ELMO1: variants seen among roughly 807,000 people sequenced by gnomAD.
ELMO1 encodes engulfment and cell motility protein 1.
Under a neutral mutation model 98.9 loss-of-function variants are expected in ELMO1, and 26 were observed. The ratio of observed to expected loss-of-function variants is 0.26; its 90% CI spans 0.19 to 0.36. ELMO1 has a LOEUF of 0.36. Ranked by LOEUF, ELMO1 falls within the 10% of genes least tolerant of loss-of-function variation. The pLI, the probability that ELMO1 is intolerant of heterozygous loss-of-function variation, is 1.00. For missense variants in ELMO1, 627 were observed against 935.2 expected (o/e 0.67, Z 4.30); for synonymous variants, 346 against 346.0 (o/e 1.00, Z 0.00).
intron 16 of ELMO1, among the ~76,000 whole-genome samples, chr7:36,938,637 C>T (rs1264126070): frequency 6.6e-6 from 1 of 152,110 alleles, no homozygotes; most frequent in Non-Finnish European, 1.5e-5. Context: ...TTAACCATAA[C>T]CACTGTCATC....
At chr7:37,225,433 T>C (rs1352845260) in intron 8 of ELMO1, among the ~76,000 whole-genome samples, 1 of 152,198 alleles carries the variant, frequency 6.6e-6, no homozygotes, top group Non-Finnish European at 1.5e-5. Flanking sequence ...ATTCCCAGGC[T>C]ACTCCTTCAT....
chr7:36,887,354 C>A lies in ELMO1; in HGVS notation c.1714+206G>T, dbSNP rs144835800. On this transcript the variant is annotated intron_variant, in intron 18 of 21. Coordinates refer to ENST00000310758, the MANE Select transcript of ELMO1 (RefSeq NM_014800.11). ...TGGCACTAAATAGCAAAGAATGGCT[C>A]TTCATTTCTGTGGCTCTTCTGGTAA... Among the ~76,000 whole-genome samples, 296 of 152,294 alleles carry A rather than the reference C, an allele frequency of 1.9e-3. 2 individuals are homozygous for A. The highest frequency in any genetic ancestry group is 6.8e-3 in the Middle Eastern group (2 of 294).
At chr7:37,074,617 C>A (rs948863688) in intron 15 of ELMO1, among the ~76,000 whole-genome samples, 4 of 152,112 alleles carry the variant, frequency 2.6e-5, no homozygotes, top group African/African-American at 9.7e-5. Flanking sequence ...ACAGTAGGTG[C>A]CCCACAGAAG....
At chr7:36,927,903 A>G (rs533653908) in intron 16 of ELMO1, among the ~76,000 whole-genome samples, 18 of 152,204 alleles carry the variant, frequency 1.2e-4, no homozygotes, top group Non-Finnish European at 2.4e-4. Flanking sequence ...GGGAGTTCAA[A>G]TATCAGTAAA....
In ELMO1 at chr7:36,990,973, C is replaced by T. The variant is rs142217125; in HGVS notation, c.1437+22326G>A. ...GGCACTAAGAGAGGTGGCACTTATA[C>T]CCATTCCTTTCATTTTCCAGCTCCT... On this transcript the variant is annotated intron_variant, in intron 16 of 21. Coordinates refer to ENST00000310758, the MANE Select transcript of ELMO1 (RefSeq NM_014800.11). Among the ~76,000 whole-genome samples, 1,003 of 152,220 alleles carry T rather than the reference C, an allele frequency of 6.6e-3. 13 individuals are homozygous for T. The highest frequency in any genetic ancestry group is 0.023 in the African/African-American group (960 of 41,528).
intron 15 of ELMO1, among the ~76,000 whole-genome samples, chr7:37,017,909 T>C (rs1245731898): frequency 1.3e-5 from 2 of 152,044 alleles, no homozygotes; most frequent in South Asian, 2.1e-4. Flanking sequence ...GGAGGCAGGA[T>C]AGAGAGTGAG....
At chr7:37,259,379 G>T (rs1428623420) in intron 5 of ELMO1, 29 bp from the exon 6 acceptor site, 2 of 1,600,310 alleles carry the variant, frequency 1.2e-6, no homozygotes, top group Admixed American at 3.5e-5. Flanking sequence ...AGGGAAGAGT[G>T]TTGACAAACG....
chr7:37,113,410 A>G (rs915235612), intron 14 of ELMO1, among the ~76,000 whole-genome samples: 1 of 152,226 alleles, frequency 6.6e-6, no homozygotes, highest in Non-Finnish European at 1.5e-5. Flanking sequence ...AGCATGTAAG[A>G]AACATTAAAT....
intron 16 of ELMO1, chr7:36,919,410 A>G (rs77814495): frequency 3.8e-5 from 20 of 531,812 alleles, no homozygotes; most frequent in Middle Eastern, 3.2e-4. Context: ...ATTGAGGCTC[A>G]GAATGGCTCA....
chr7:37,245,861 C>T (rs1794978439), intron 6 of ELMO1, among the ~76,000 whole-genome samples: 1 of 152,192 alleles, frequency 6.6e-6, no homozygotes, highest in Admixed American at 6.5e-5. Context: ...AGAGCTCCCA[C>T]AGGCCACATC....
At chr7:37,349,702 C>T (rs1273302409) in intron 1 of ELMO1, among the ~76,000 whole-genome samples, 1 of 152,174 alleles carries the variant, frequency 6.6e-6, no homozygotes, top group African/African-American at 2.4e-5. Flanking sequence ...GATCTGCCCA[C>T]CTCGGCCTCC....
intron 16 of ELMO1, among the ~76,000 whole-genome samples, chr7:36,994,848 C>T (rs1290624729): frequency 6.6e-6 from 1 of 152,206 alleles, no homozygotes; most frequent in Non-Finnish European, 1.5e-5. Flanking sequence ...GATCTCAGTA[C>T]CAATCAACTT....
chr7:37,317,236 C>A lies in ELMO1; in HGVS notation c.79-1276G>T, dbSNP rs150028712. Among the ~76,000 whole-genome samples the A allele has an allele frequency of 4.1e-3, 617 of 152,256 alleles. 4 individuals are homozygous for A. The highest frequency in any genetic ancestry group is 0.014 in the African/African-American group (597 of 41,530). Reference sequence around the variant, plus strand: ...GTCCTCTCCAAGGGCCTCCCTAACCCCTGCTAAAGGCCCAGTTCAGTGTAC... The same window carrying A: ...GTCCTCTCCAAGGGCCTCCCTAACCACTGCTAAAGGCCCAGTTCAGTGTAC... On this transcript the variant is annotated intron_variant, in intron 2 of 21. Transcript: ENST00000310758.
At chr7:37,223,030 ATGTATG>A (rs935250321) in intron 9 of ELMO1, among the ~76,000 whole-genome samples, 23 of 152,194 alleles carry the variant, frequency 1.5e-4, no homozygotes, top group Non-Finnish European at 2.8e-4. Flanking sequence ...GTCTGTATGT[ATGTATG>A]TGTATGTGTA....
At chr7:37,236,057 A>C (rs1467466644) in intron 7 of ELMO1, among the ~76,000 whole-genome samples, 2 of 152,244 alleles carry the variant, frequency 1.3e-5, no homozygotes. Context: ...CAAAAGATAA[A>C]GTATATTTAT....
At chr7:37,284,856 G>A (rs1797312624) in intron 4 of ELMO1, among the ~76,000 whole-genome samples, 2 of 152,062 alleles carry the variant, frequency 1.3e-5, no homozygotes, top group Non-Finnish European at 2.9e-5. Flanking sequence ...TCTTGGCCCT[G>A]CTTTCTGACA....
intron 5 of ELMO1, among the ~76,000 whole-genome samples, chr7:37,267,745 G>A (rs1009989342): frequency 1.3e-5 from 2 of 152,094 alleles, no homozygotes; most frequent in Non-Finnish European, 2.9e-5. Context: ...ACATTATTTT[G>A]TTTATTTTTC....
At chr7:37,262,996 G>A (rs1185812901) in intron 5 of ELMO1, among the ~76,000 whole-genome samples, 1 of 152,192 alleles carries the variant, frequency 6.6e-6, no homozygotes, top group Non-Finnish European at 1.5e-5. Context: ...CTCCACAGAG[G>A]TGAGTCCCAG....
At chr7:37,353,366 G>C (rs1297358528) in intron 1 of ELMO1, 3 of 152,634 alleles carry the variant, frequency 2.0e-5, no homozygotes, top group South Asian at 2.0e-4. Context: ...TCTTCTGGGG[G>C]GTTCGTGGTC....
Sources: allele counts gnomAD v4.1 joint callset (sites outside exome capture counted in the v4.1 genomes callset), GRCh38; gene constraint gnomAD v4.1.1; transcripts MANE v1.5; gene names NCBI Gene and HGNC (gene_info 2026-07-23, HGNC 2026-07-21).